The following RNF141 variants were observed in gnomAD, a reference collection of about 807,000 sequenced individuals.
The protein encoded by RNF141 is ring finger protein 141.
Under a neutral mutation model 27.4 loss-of-function variants are expected in RNF141, and 18 were observed. The observed-to-expected ratio is 0.66, with a 90% confidence interval of 0.45 to 0.97. The LOEUF is 0.97. RNF141 is among the 50% of genes least tolerant of loss of function. The pLI is 0.00. For synonymous variants in RNF141, 97 were observed against 96.6 expected (o/e 1.00, Z -0.02); for missense variants, 230 against 279.4 (o/e 0.82, Z 1.26).
Position 10,514,889 on chromosome 11 carries a change from T to G in RNF141, c.*27A>C. On this transcript the variant is annotated 3_prime_UTR_variant, in exon 6 of 6. Coordinates refer to ENST00000265981, the MANE Select transcript of RNF141 (RefSeq NM_016422.4). The stretch of plus-strand genomic sequence containing the variant: ...CATGACCAAATATTTGAGCCCACAA[T>G]AGCAACAGAAGACTTTCACTTCAAG... 1.3e-6 allele frequency: 2 copies of G among 1,586,448 alleles called. No individual in the cohort carries two copies. Among genetic ancestry groups the G allele is most frequent in the Non-Finnish European group, 1.7e-6 (2 of 1,165,430 alleles).
intron 1 of RNF141, among the ~76,000 whole-genome samples, chr11:10,535,782 G>A (rs1285619145): frequency 1.3e-5 from 2 of 152,142 alleles, no homozygotes; most frequent in Non-Finnish European, 2.9e-5. Flanking sequence ...TTCCCAAGAA[G>A]GGCAGTAACT....
At chr11:10,520,769 T>G (rs1176154737) in intron 4 of RNF141, among the ~76,000 whole-genome samples, 2 of 152,206 alleles carry the variant, frequency 1.3e-5, no homozygotes, top group Non-Finnish European at 2.9e-5. Context: ...ATGCATTGCA[T>G]CACAATATTA....
In RNF141 at chr11:10,515,078, G is replaced by T; in HGVS notation, c.543-12C>A. ...TGTGTCGATCACTCCTATTAGAGAA[G>T]TCAAAACAAAACAGTTTGCTTTCTT... On this transcript the variant is annotated splice_polypyrimidine_tract_variant and intron_variant, in intron 5 of 5. Transcript: ENST00000265981. 1 of 1,597,408 alleles carries T rather than the reference G, an allele frequency of 6.3e-7. No homozygotes were observed.
In RNF141 at chr11:10,514,216, T is replaced by C. The variant is rs907840515; in HGVS notation, c.*700A>G. On this transcript the variant is annotated 3_prime_UTR_variant, in exon 6 of 6. Transcript: ENST00000265981. ...AGCATTTCCAGAACAGCCAAGAAAA[T>C]TCCCCAGGAGAAATCCATTTGCAAA... The C allele has an allele frequency of 6.6e-6, 1 of 152,110 alleles. No individual in the cohort carries two copies. The highest frequency in any genetic ancestry group is 2.4e-5 in the African/African-American group (1 of 41,416). The allele number at this position is 152,110 out of a possible 1,614,324, so 9.4% of individuals were successfully genotyped here. A position where few individuals can be genotyped will look rare whatever the true frequency, so the allele number is the denominator to read the frequency against.
intron 3 of RNF141, 93 bp from the exon 4 acceptor site, chr11:10,525,466 T>C: frequency 1.1e-6 from 1 of 927,322 alleles, no homozygotes; most frequent in Non-Finnish European, 1.6e-6. Context: ...TCAAACATCC[T>C]AGGAAATAGG....
chr11:10,512,956 A>G lies in RNF141; in HGVS notation c.*1960T>C, dbSNP rs749763401. The G allele has an allele frequency of 9.2e-5, 14 of 152,204 alleles. No individual in the cohort carries two copies. The highest frequency in any genetic ancestry group is 2.1e-4 in the Non-Finnish European group (14 of 68,032). The allele number at this position is 152,204 out of a possible 1,614,324, so 9.4% of individuals were successfully genotyped here. ...TGGGGTATAGGGTATGTGTGTATGC[A>G]CACGTGTTTAAAGGTTCTGTAAGAT... is the stretch of plus-strand genomic sequence containing the variant. On this transcript the variant is annotated 3_prime_UTR_variant, in exon 6 of 6. Coordinates refer to ENST00000265981, the MANE Select transcript of RNF141 (RefSeq NM_016422.4).
At chr11:10,529,495 G>A (rs1437347789) in intron 3 of RNF141, among the ~76,000 whole-genome samples, 1 of 152,224 alleles carries the variant, frequency 6.6e-6, no homozygotes, top group African/African-American at 2.4e-5. Context: ...AGTTAAGCCT[G>A]ATAAGAATGC....
intron 1 of RNF141, among the ~76,000 whole-genome samples, chr11:10,535,517 G>A (rs991739103): frequency 6.7e-6 from 1 of 150,312 alleles, no homozygotes; most frequent in South Asian, 2.1e-4. Context: ...ATAGCCAAGT[G>A]GATTTACAGC....
rs377731136 is a variant in RNF141, at chr11:10,529,738, AAG to A, written c.252+903_252+904del. 5.9e-5 allele frequency among the ~76,000 whole-genome samples: 9 copies of A among 152,346 alleles called. No individual in the cohort carries two copies. The East Asian group carries it at 1.7e-3, about 29-fold the overall frequency. ...CAAAATCTGTGATAATCTGGATCAG[AAG>A]AGAGAGATCAGTCTGCTTGAGAGCA... On this transcript the variant is annotated intron_variant, in intron 3 of 5. Coordinates refer to ENST00000265981, the MANE Select transcript of RNF141 (RefSeq NM_016422.4).
At chr11:10,521,601 G>T (rs534771695) in intron 4 of RNF141, among the ~76,000 whole-genome samples, 5 of 152,254 alleles carry the variant, frequency 3.3e-5, no homozygotes, top group Non-Finnish European at 7.4e-5. Context: ...TTAAAATTTT[G>T]ATTTGAATGT....
At chr11:10,520,731 C>T (rs554806092) in intron 4 of RNF141, among the ~76,000 whole-genome samples, 5 of 152,304 alleles carry the variant, frequency 3.3e-5, no homozygotes, top group African/African-American at 1.2e-4. Context: ...GGTTTGTTTA[C>T]ACCAGCATCA....
In RNF141 at chr11:10,530,754, G is replaced by A. The variant is rs1372396350; in HGVS notation, c.144-3C>T. ...GGCCAGAAGCCACTTTAGCCGTTCT[G>A]AAAAGAGACAAGAACATGTTAATTT... is the stretch of plus-strand genomic sequence containing the variant. On this transcript the variant is annotated splice_region_variant and splice_polypyrimidine_tract_variant and intron_variant, in intron 2 of 5. Transcript: ENST00000265981. 1.3e-6 allele frequency: 2 copies of A among 1,573,082 alleles called. No homozygotes were observed. The highest frequency in any genetic ancestry group is 1.7e-6 in the Non-Finnish European group (2 of 1,149,856).
rs1554905298 is a variant in RNF141, at chr11:10,539,691, C to CATATATATATATATATAT, written c.-48+1430_-48+1431insATATATATATATATATAT. Among the ~76,000 whole-genome samples, 71 of 40,288 alleles carry CATATATATATATATATAT rather than the reference C, an allele frequency of 1.8e-3. 7 individuals are homozygous for CATATATATATATATATAT. The highest frequency in any genetic ancestry group is 2.7e-3 in the South Asian group (4 of 1,480). 26.4% of individuals were successfully genotyped at this position (40,288 alleles called of 152,430 possible). A position where few individuals can be genotyped will look rare whatever the true frequency, so the allele number is the denominator to read the frequency against. The stretch of plus-strand genomic sequence containing the variant: ...GATCTTGATCAGAAAAAGATACATA[C>CATATATATATATATATAT]ATATATATTAGAGAGAGAAGGAGAG... On this transcript the variant is annotated intron_variant, in intron 1 of 5. Transcript: ENST00000265981.
At chr11:10,540,911 C>T (rs984226855) in intron 1 of RNF141, 31 of 152,464 alleles carry the variant, frequency 2.0e-4, no homozygotes, top group Non-Finnish European at 2.6e-4. Context: ...CAACTGGAAC[C>T]CGCCGGGCAG....
rs185484762 is a variant in RNF141 at position 10,538,856 on chromosome 11, A to C, written c.-48+2266T>G. 2.6e-5 allele frequency among the ~76,000 whole-genome samples: 4 copies of C among 152,346 alleles called. No homozygotes were observed. The East Asian group carries it at 7.7e-4, about 29-fold the overall frequency. ...GGGAAACATTTACTATTTGATTTTA[A>C]CAAGATACTCCCCCCTAGGCCATGC... On this transcript the variant is annotated intron_variant, in intron 1 of 5. Coordinates refer to ENST00000265981, the MANE Select transcript of RNF141 (RefSeq NM_016422.4).
At chr11:10,537,381 T>A (rs1198320076) in intron 1 of RNF141, among the ~76,000 whole-genome samples, 44 of 152,196 alleles carry the variant, frequency 2.9e-4, no homozygotes, top group Admixed American at 2.9e-3. Context: ...AAAATGTAAT[T>A]AAGATTCTAG....
At chr11:10,527,852 A>C (rs905920744) in intron 3 of RNF141, among the ~76,000 whole-genome samples, 2 of 152,162 alleles carry the variant, frequency 1.3e-5, no homozygotes, top group Non-Finnish European at 2.9e-5. Context: ...GGGTGGTAGT[A>C]GCGTAGATGG....
chr11:10,533,154 C>T (rs929846502), intron 2 of RNF141, among the ~76,000 whole-genome samples: 8 of 152,144 alleles, frequency 5.3e-5, no homozygotes, highest in African/African-American at 1.7e-4. Context: ...TTGCTAGAGG[C>T]AGATTTAAAA....
At chr11:10,538,561 A>G (rs3781863) in intron 1 of RNF141, among the ~76,000 whole-genome samples, 55,022 of 152,012 alleles carry the variant, frequency 0.36, 10,882 homozygotes, top group East Asian at 0.67. Flanking sequence ...TCACTTGGCC[A>G]TTTCCCTCTA....
Sources: gnomAD v4.1 joint callset for allele counts (sites outside exome capture counted in the v4.1 genomes callset) on GRCh38, gnomAD v4.1.1 for gene constraint, MANE v1.5 for transcripts, NCBI Gene and HGNC (gene_info 2026-07-23, HGNC 2026-07-21) for gene names.